Variants in POLQ observed in about 807,000 individuals in gnomAD.
The protein encoded by POLQ is epididymis secretory sperm binding protein.
Under a neutral mutation model 259.2 loss-of-function variants are expected in POLQ, and 233 were observed. That is an observed-to-expected ratio of 0.90 (90% CI 0.81 to 1.00). POLQ has a LOEUF of 1.00. Ranked by LOEUF, POLQ falls within the 50% of genes least tolerant of loss-of-function variation. POLQ has a pLI of 0.00. For synonymous variants in POLQ, 1,025 were observed against 1,048.8 expected, an observed-to-expected ratio of 0.98 and a Z score of 0.44; for missense variants, 2,871 against 3,051.6, an observed-to-expected ratio of 0.94 and a Z score of 1.39.
chr3:121,453,928 G>C (rs547024976), intron 25 of POLQ, among the ~76,000 whole-genome samples: 1 of 152,294 alleles, frequency 6.6e-6, no homozygotes, highest in Non-Finnish European at 1.5e-5. Flanking sequence ...ACACATAATT[G>C]TCAGATTCAC....
In POLQ at chr3:121,521,677, C is replaced by G. The variant is rs567596562; in HGVS notation, c.1255+326G>C. The G allele has an allele frequency of 5.0e-5, 8 of 159,768 alleles. No individual in the cohort carries two copies. The South Asian group carries it at 1.3e-3, about 27-fold the overall frequency. 9.9% of individuals were successfully genotyped at this position (159,768 alleles called of 1,614,324 possible). ...CTCCGCCTCCTGGGTTCAAGCAATT[C>G]TCCCTGCCTCAGCCTCCTGAGAAGC... On this transcript the variant is annotated intron_variant, in intron 8 of 29. Transcript: ENST00000264233.
Position 121,498,585 on chromosome 3 carries a change from CT to C in POLQ, c.2044del (p.Arg682GlyfsTer5). 1 of 1,613,778 alleles carries C rather than the reference CT, an allele frequency of 6.2e-7. No homozygotes were observed. Among genetic ancestry groups the C allele is most frequent in the Non-Finnish European group, 8.5e-7 (1 of 1,179,656 alleles). ...LWEKLPTSMK[R>X]VAELVGVEEG... ...TTCAACTCCCACTAGCTCTGCCACCCTTTTCATTGAAGTTGGCAACTTCTCC... is the reference window on the plus strand; with the variant it reads ...TTCAACTCCCACTAGCTCTGCCACCCTTTCATTGAAGTTGGCAACTTCTCC... On this transcript the variant is annotated frameshift_variant, in exon 13 of 30. Transcript: ENST00000264233. LOFTEE classifies it high-confidence loss of function.
chr3:121,524,214 C>T lies in POLQ; in HGVS notation c.1109-2065G>A, dbSNP rs577269815. On this transcript the variant is annotated intron_variant, in intron 7 of 29. Transcript: ENST00000264233. ...TAAAATGTAAGGAAATAAGCTAACC[C>T]GGTGTAGAAGGTACCAGTTAAGGGG... is the stretch of plus-strand genomic sequence containing the variant. Among the ~76,000 whole-genome samples, 36 of 152,168 alleles carry T rather than the reference C, an allele frequency of 2.4e-4. No homozygotes were observed. The South Asian group carries it at 6.4e-3, about 27-fold the overall frequency.
intron 15 of POLQ, among the ~76,000 whole-genome samples, 192 bp downstream of exon 15, chr3:121,493,284 AAG>A (rs2048085845): frequency 6.6e-6 from 1 of 152,066 alleles, no homozygotes; most frequent in African/African-American, 2.4e-5. Context: ...CCTGGGTAAC[AAG>A]AGTGAGACTT....
At chr3:121,468,883 C>G (rs2047860505) in intron 22 of POLQ, among the ~76,000 whole-genome samples, 1 of 152,156 alleles carries the variant, frequency 6.6e-6, no homozygotes. Context: ...TCAAGAGAAT[C>G]TACAACAGTA....
intron 9 of POLQ, among the ~76,000 whole-genome samples, chr3:121,519,500 C>T (rs1292029874): frequency 2.0e-5 from 3 of 148,694 alleles, no homozygotes; most frequent in Admixed American, 6.7e-5. Context: ...ATGGTGAGAC[C>T]CCGTCTCTAC....
intron 3 of POLQ, among the ~76,000 whole-genome samples, chr3:121,539,932 A>C (rs1245346947): frequency 6.6e-6 from 1 of 152,166 alleles, no homozygotes; most frequent in African/African-American, 2.4e-5. Context: ...AACTAGCTAT[A>C]ACACTTAAAG....
In POLQ at chr3:121,489,813, G is replaced by T. The variant is rs764050733; in HGVS notation, c.3118C>A (p.Arg1040=). 3.1e-6 allele frequency: 5 copies of T among 1,612,684 alleles called. No homozygotes were observed. In the South Asian group the frequency reaches 5.5e-5, roughly 18 times the overall value. ...AGATGCTTTCTACGTTTCCAAGATC[G>T]AAAACTTCTGCTCATCTTTTCTGAA... The part of the protein sequence containing the change: ...FNSEKMSRSF[R]SWKRRKHLKR... The change falls in exon 16 of 30, where the codon CGA becomes AGA. Residue 1040 remains arginine (R), a synonymous_variant. Coordinates refer to ENST00000264233, the MANE Select transcript of POLQ (RefSeq NM_199420.4).
At chr3:121,480,817 A>G (rs2047964699) in intron 19 of POLQ, among the ~76,000 whole-genome samples, 1 of 152,174 alleles carries the variant, frequency 6.6e-6, no homozygotes, top group Non-Finnish European at 1.5e-5. Flanking sequence ...TAGTTTGCCC[A>G]AAGTCCCTCA....
chr3:121,443,401 CTTTA>C (rs2047609256), intron 26 of POLQ, among the ~76,000 whole-genome samples: 1 of 152,162 alleles, frequency 6.6e-6, no homozygotes, highest in South Asian at 2.1e-4. Context: ...ATTTGTATGT[CTTTA>C]TTTGAGAAAT....
At chr3:121,443,261 G>A (rs2047608329) in intron 26 of POLQ, among the ~76,000 whole-genome samples, 1 of 152,208 alleles carries the variant, frequency 6.6e-6, no homozygotes, top group Non-Finnish European at 1.5e-5. Context: ...ATCTTCGCCT[G>A]CATTTGTTAT....
chr3:121,497,004 T>C (rs1363797493), intron 13 of POLQ, 72 bp from the exon 14 acceptor site: 5 of 1,520,890 alleles, frequency 3.3e-6, no homozygotes, highest in African/African-American at 1.4e-5. Context: ...TGTTGAAAAA[T>C]GACTAAGAAC....
In POLQ at chr3:121,473,362, G is replaced by A. The variant is rs1269265378; in HGVS notation, c.6531C>T (p.Phe2177=). ...NGRKLRLGRQ[F]STSKDVLNKL... is the part of the protein sequence containing the mutation. ...CCCCAAAGAGCACCTTACTAGTGCT[G>A]AACTGTCTTCCCAGCCTTAGCTTGC... The change falls in exon 21 of 30, where the codon TTC becomes TTT. Residue 2177 remains phenylalanine, a synonymous_variant. Coordinates refer to ENST00000264233, the MANE Select transcript of POLQ (RefSeq NM_199420.4). 3.1e-6 allele frequency: 5 copies of A among 1,613,780 alleles called. No homozygotes were observed. Among genetic ancestry groups the A allele is most frequent in the South Asian group, 1.1e-5 (1 of 90,966 alleles).
At chr3:121,460,389 G>A (rs193248030) in intron 24 of POLQ, among the ~76,000 whole-genome samples, 155 bp from the exon 25 acceptor site, 21 of 152,240 alleles carry the variant, frequency 1.4e-4, no homozygotes, top group African/African-American at 5.1e-4. Context: ...CTCTTAATAT[G>A]ATGGAATTCA....
intron 16 of POLQ, 53 bp from the exon 17 acceptor site, chr3:121,485,237 C>A: frequency 8.1e-7 from 1 of 1,236,152 alleles, no homozygotes; most frequent in Admixed American, 2.5e-5. Context: ...AAAGACATTA[C>A]ATAAATTGTT....
chr3:121,478,087 G>A (rs1378477514), intron 19 of POLQ, among the ~76,000 whole-genome samples: 3 of 152,118 alleles, frequency 2.0e-5, no homozygotes, highest in Admixed American at 6.6e-5. Flanking sequence ...AGGTCGTTAT[G>A]GGAATGGAGT....
chr3:121,473,338 C>T lies in POLQ; in HGVS notation c.6543+12G>A. On this transcript the variant is annotated intron_variant, in intron 21 of 29. Coordinates refer to ENST00000264233, the MANE Select transcript of POLQ (RefSeq NM_199420.4). ...AGGTTCTGCCCTGCTCTGTGACTGC[C>T]CCAAAGAGCACCTTACTAGTGCTGA... 1.2e-6 allele frequency: 2 copies of T among 1,605,532 alleles called. No individual in the cohort carries two copies. The highest frequency in any genetic ancestry group is 1.7e-6 in the Non-Finnish European group (2 of 1,177,324).
chr3:121,527,620 A>G (rs541408581), intron 7 of POLQ, among the ~76,000 whole-genome samples: 1 of 152,290 alleles, frequency 6.6e-6, no homozygotes, highest in South Asian at 2.1e-4. Flanking sequence ...TTCTTTTTTT[A>G]CAGTAGTACT....
chr3:121,544,149 C>T (rs2048511468), intron 2 of POLQ, among the ~76,000 whole-genome samples: 1 of 151,988 alleles, frequency 6.6e-6, no homozygotes, highest in Non-Finnish European at 1.5e-5. Context: ...GTCAGAAGCT[C>T]AAGACCAGTC....
Sources: gnomAD v4.1 joint callset for allele counts (sites outside exome capture counted in the v4.1 genomes callset) on GRCh38, gnomAD v4.1.1 for gene constraint, MANE v1.5 for transcripts, NCBI Gene and HGNC (gene_info 2026-07-23, HGNC 2026-07-21) for gene names.